OR9Q1: variants seen among roughly 807,000 people sequenced by gnomAD.
OR9Q1 encodes olfactory receptor family 9 subfamily Q member 1, also known as olfactory receptor 9Q1.
For synonymous variants in OR9Q1, 153 were observed against 148.6 expected (o/e 1.03, Z -0.22); for missense variants, 374 against 378.8 (o/e 0.99, Z 0.11).
At chr11:58,158,059 C>T (rs1264632989) in intron 2 of OR9Q1, among the ~76,000 whole-genome samples, 18 of 152,282 alleles carry the variant, frequency 1.2e-4, no homozygotes, top group Admixed American at 1.3e-4. Flanking sequence ...GGAAGCTGAA[C>T]GGCTGTGAGG....
chr11:58,059,552 C>T (rs945916184), intron 2 of OR9Q1, among the ~76,000 whole-genome samples: 27 of 151,600 alleles, frequency 1.8e-4, no homozygotes, highest in African/African-American at 5.8e-4. Context: ...AAAAATTAGC[C>T]GGGTGTGGTG....
At chr11:58,102,733 C>T (rs968740011) in intron 2 of OR9Q1, among the ~76,000 whole-genome samples, 1 of 152,066 alleles carries the variant, frequency 6.6e-6, no homozygotes, top group Non-Finnish European at 1.5e-5. Context: ...CTAAAATGTG[C>T]TCCAGAGAGG....
chr11:58,086,750 C>T (rs1051141764), intron 2 of OR9Q1, among the ~76,000 whole-genome samples: 3 of 151,656 alleles, frequency 2.0e-5, no homozygotes, highest in Admixed American at 6.6e-5. Flanking sequence ...GTGAAATAAG[C>T]TAGGCACAGA....
intron 2 of OR9Q1, among the ~76,000 whole-genome samples, chr11:58,071,591 A>C (rs1853488523): frequency 6.6e-6 from 1 of 152,214 alleles, no homozygotes; most frequent in South Asian, 2.1e-4. Flanking sequence ...TACCCTGCAA[A>C]GGGCCAATGG....
intron 2 of OR9Q1, among the ~76,000 whole-genome samples, chr11:58,085,410 C>A (rs74237926): frequency 0.17 from 26,364 of 151,576 alleles, 3,017 homozygotes; most frequent in Non-Finnish European, 0.23. Context: ...TGGTAAAAAT[C>A]CTTAACATAA....
At chr11:58,053,858 C>T (rs1017048398) in intron 1 of OR9Q1, among the ~76,000 whole-genome samples, 2 of 151,836 alleles carry the variant, frequency 1.3e-5, no homozygotes, top group East Asian at 1.9e-4. Flanking sequence ...CCATCTCCTT[C>T]ATCCTCCATC....
intron 2 of OR9Q1, among the ~76,000 whole-genome samples, chr11:58,163,585 T>C (rs1013917979): frequency 6.6e-6 from 1 of 152,246 alleles, no homozygotes; most frequent in Non-Finnish European, 1.5e-5. Context: ...CTCTGGGCAG[T>C]GCACTTGTCC....
At chr11:58,170,291 C>T (rs533666534) in intron 2 of OR9Q1, among the ~76,000 whole-genome samples, 12 of 152,014 alleles carry the variant, frequency 7.9e-5, no homozygotes, top group East Asian at 7.8e-4. Flanking sequence ...AATCTAACTG[C>T]GATATCCTCT....
chr11:58,038,244 T>C (rs1488876567), intron 1 of OR9Q1, among the ~76,000 whole-genome samples: 2 of 152,098 alleles, frequency 1.3e-5, no homozygotes, highest in Non-Finnish European at 2.9e-5. Flanking sequence ...CCTACAAGAA[T>C]TTGAGGTGCA....
At chr11:58,112,114 TC>T (rs1853907317) in intron 2 of OR9Q1, among the ~76,000 whole-genome samples, 1 of 151,702 alleles carries the variant, frequency 6.6e-6, no homozygotes, top group East Asian at 1.9e-4. Context: ...ATGGTGAAAC[TC>T]TGTCTCTACT....
intron 2 of OR9Q1, among the ~76,000 whole-genome samples, chr11:58,059,498 C>T (rs1426357788): frequency 1.3e-5 from 2 of 151,740 alleles, no homozygotes; most frequent in African/African-American, 2.4e-5. Context: ...GAGTTCGAGA[C>T]CAGCCTGGCC....
intron 1 of OR9Q1, among the ~76,000 whole-genome samples, chr11:58,024,754 C>T (rs184098328): frequency 6.6e-6 from 1 of 152,302 alleles, no homozygotes; most frequent in Admixed American, 6.5e-5. Context: ...GAAGCGGATG[C>T]TGTTAATAGC....
At chr11:58,068,178 AAT>A (rs1195389718) in intron 2 of OR9Q1, among the ~76,000 whole-genome samples, 1 of 21,058 alleles carries the variant, frequency 4.7e-5, no homozygotes, top group Non-Finnish European at 1.5e-4. Context: ...TCTCTACAAA[AAT>A]ACAAAAAAAA....
rs371701829 is a variant in OR9Q1, at chr11:58,096,703, C to CTTT, written c.-15+40772_-15+40774dup. Reference sequence around the variant, plus strand: ...TAATTTTATTTTTTTGAGACAGTCTCTTTTTTTTTTTTTTTTTTGAGGTGG... The same window carrying CTTT: ...TAATTTTATTTTTTTGAGACAGTCTCTTTTTTTTTTTTTTTTTTTTTGAGGTGG... On this transcript the variant is annotated intron_variant, in intron 2 of 2. Transcript: ENST00000335397. Among the ~76,000 whole-genome samples the CTTT allele has an allele frequency of 3.4e-4, 37 of 108,782 alleles. 2 individuals are homozygous for CTTT. The highest frequency in any genetic ancestry group is 6.0e-3 in the Middle Eastern group (1 of 168). 71.4% of individuals were successfully genotyped at this position (108,782 alleles called of 152,430 possible).
At chr11:58,046,654 G>T (rs563426635) in intron 1 of OR9Q1, among the ~76,000 whole-genome samples, 1 of 152,232 alleles carries the variant, frequency 6.6e-6, no homozygotes, top group East Asian at 1.9e-4. Flanking sequence ...CTGAGGTCAG[G>T]AGTTTGAGAC....
intron 2 of OR9Q1, among the ~76,000 whole-genome samples, chr11:58,149,482 A>G (rs1359425957): frequency 1.3e-5 from 2 of 152,160 alleles, no homozygotes; most frequent in East Asian, 1.9e-4. Context: ...AAAAAAATTT[A>G]CCATTTTAAC....
At chr11:58,112,360 A>G (rs1044068436) in intron 2 of OR9Q1, among the ~76,000 whole-genome samples, 2 of 152,220 alleles carry the variant, frequency 1.3e-5, no homozygotes, top group Non-Finnish European at 1.5e-5. Flanking sequence ...AAGTGATTCA[A>G]TATGGGAACT....
At chr11:58,081,613 C>T (rs1317616440) in intron 2 of OR9Q1, among the ~76,000 whole-genome samples, 5 of 151,058 alleles carry the variant, frequency 3.3e-5, no homozygotes, top group Non-Finnish European at 7.4e-5. Flanking sequence ...GCATAAATGT[C>T]TTCTTTTGAG....
At chr11:58,096,566 G>C (rs1337060399) in intron 2 of OR9Q1, among the ~76,000 whole-genome samples, 1 of 152,172 alleles carries the variant, frequency 6.6e-6, no homozygotes, top group African/African-American at 2.4e-5. Context: ...CCAGGCTGGA[G>C]TGCAGTGGCA....
Sources: allele counts gnomAD v4.1 joint callset (sites outside exome capture counted in the v4.1 genomes callset), GRCh38; gene constraint gnomAD v4.1.1; transcripts MANE v1.5; gene names NCBI Gene and HGNC (gene_info 2026-07-23, HGNC 2026-07-21).